Variants in SEMA3D observed in about 807,000 individuals in gnomAD.
SEMA3D encodes semaphorin-3D.
In SEMA3D, 84 loss-of-function variants were observed where a neutral mutation model predicts 100.1. The observed-to-expected ratio is 0.84, with a 90% CI of 0.70 to 1.01. The LOEUF (loss-of-function observed/expected upper bound fraction) is 1.01, where lower values mean the gene tolerates loss of function less well. Among genes scored for constraint, SEMA3D ranks in the 50% least tolerant of loss-of-function variants. The pLI is 0.00. For missense variants in SEMA3D, 875 were observed against 934.1 expected (o/e 0.94, Z 0.82); for synonymous variants, 312 against 320.7 (o/e 0.97, Z 0.29).
At chr7:85,119,812 G>A (rs1440680709) in intron 3 of SEMA3D, among the ~76,000 whole-genome samples, 1 of 152,078 alleles carries the variant, frequency 6.6e-6, no homozygotes, top group Non-Finnish European at 1.5e-5. Context: ...AGTGCCCCAG[G>A]TTTGGTAAAC....
intron 2 of SEMA3D, chr7:85,144,779 T>A (rs1304668935): frequency 1.8e-6 from 1 of 562,642 alleles, no homozygotes; most frequent in Non-Finnish European, 2.3e-6. Context: ...TCATAGAATT[T>A]GATTAGGATT....
At chr7:85,162,044 G>T (rs1318866998) in intron 1 of SEMA3D, among the ~76,000 whole-genome samples, 1 of 151,490 alleles carries the variant, frequency 6.6e-6, no homozygotes, top group East Asian at 1.9e-4. Flanking sequence ...ATAATAATCT[G>T]TACCTGTTTC....
chr7:85,144,701 C>T, intron 2 of SEMA3D: 3 of 984,588 alleles, frequency 3.0e-6, no homozygotes, highest in Non-Finnish European at 3.6e-6. Context: ...TGTGTTTGTT[C>T]TTATTTGTTC....
At chr7:85,068,408 G>A (rs1240333627) in intron 6 of SEMA3D, 124 bp from the exon 7 acceptor site, 1 of 617,026 alleles carries the variant, frequency 1.6e-6, no homozygotes, top group South Asian at 1.9e-5. Context: ...TATAGCATGT[G>A]CATAATGCTG....
chr7:85,180,324 C>T (rs1236041705), intron 1 of SEMA3D, among the ~76,000 whole-genome samples: 1 of 152,248 alleles, frequency 6.6e-6, no homozygotes, highest in East Asian at 1.9e-4. Flanking sequence ...GTTTGCTTCC[C>T]CTTCCACTAT....
At chr7:85,244,695 T>C in the SEMA3D span, among the ~76,000 whole-genome samples, 2 of 149,740 alleles carry the variant, frequency 1.3e-5, no homozygotes, top group African/African-American at 4.9e-5. Flanking sequence ...AAATCCCGGA[T>C]GTACTGCACA....
chr7:85,212,875 C>T, the SEMA3D span, among the ~76,000 whole-genome samples: 5 of 151,866 alleles, frequency 3.3e-5, no homozygotes, highest in African/African-American at 7.3e-5. Flanking sequence ...ATCTGCTAAA[C>T]GAAACTTCAT....
At chr7:85,125,698 T>C (rs1425418596) in intron 2 of SEMA3D, among the ~76,000 whole-genome samples, 2 of 152,092 alleles carry the variant, frequency 1.3e-5, no homozygotes, top group Non-Finnish European at 2.9e-5. Flanking sequence ...ATAAATTCAA[T>C]AGTTAATCCT....
At chr7:85,249,449 T>TAA in the SEMA3D span, among the ~76,000 whole-genome samples, 1 of 152,164 alleles carries the variant, frequency 6.6e-6, no homozygotes, top group African/African-American at 2.4e-5. Flanking sequence ...AGAATGGGCT[T>TAA]TAGTTAATAC....
At chr7:85,241,467 G>GTGTGTGTA in the SEMA3D span, among the ~76,000 whole-genome samples, 9 of 91,998 alleles carry the variant, frequency 9.8e-5, no homozygotes, top group South Asian at 3.9e-4. Flanking sequence ...CTGTGTGTGT[G>GTGTGTGTA]TATATATATA....
In SEMA3D at chr7:85,022,456, G is replaced by A; in HGVS notation, c.1349C>T (p.Thr450Ile). 1 of 1,612,462 alleles carries A rather than the reference G, an allele frequency of 6.2e-7. No homozygotes were observed. ...FKRINVDYRL[T>I]QIVVDHVIAE... is the part of the protein sequence containing the mutation. Reference sequence around the variant, plus strand: ...AATGACATGATCCACCACTATCTGTGTCAGTCTGTAATCCACATTGATTCT... The same window carrying A: ...AATGACATGATCCACCACTATCTGTATCAGTCTGTAATCCACATTGATTCT... The change falls in exon 13 of 19, where the codon ACA becomes ATA. Residue 450 changes from threonine to isoleucine, a missense_variant. Physicochemically the swap from Thr to Ile is moderately conservative, Grantham distance 89. Coordinates refer to ENST00000284136, the MANE Select transcript of SEMA3D (RefSeq NM_001384900.1).
At chr7:85,178,158 C>A (rs1791292394) in intron 1 of SEMA3D, among the ~76,000 whole-genome samples, 1 of 152,318 alleles carries the variant, frequency 6.6e-6, no homozygotes, top group South Asian at 2.1e-4. Context: ...ATCAATTAAA[C>A]CTCTTTCCTT....
intron 2 of SEMA3D, among the ~76,000 whole-genome samples, chr7:85,147,614 T>C (rs940170676): frequency 1.1e-4 from 17 of 152,206 alleles, no homozygotes; most frequent in African/African-American, 4.1e-4. Flanking sequence ...AATATATTTT[T>C]CTGATATTTA....
intron 1 of SEMA3D, among the ~76,000 whole-genome samples, chr7:85,170,905 A>G (rs890571343): frequency 6.6e-6 from 1 of 152,014 alleles, no homozygotes; most frequent in Non-Finnish European, 1.5e-5. Context: ...TGACTTTTAA[A>G]ATAACAATGG....
intron 8 of SEMA3D, among the ~76,000 whole-genome samples, chr7:85,061,140 T>TA (rs573389473): frequency 1.3e-3 from 194 of 151,832 alleles, no homozygotes; most frequent in African/African-American, 3.9e-3. Flanking sequence ...AAAAATACTG[T>TA]AAAAAAAACA....
intron 13 of SEMA3D, among the ~76,000 whole-genome samples, chr7:85,021,165 A>G (rs553244574): frequency 6.6e-6 from 1 of 151,914 alleles, no homozygotes; most frequent in South Asian, 2.1e-4. Context: ...TGAATTATTT[A>G]ATTGTTTTTA....
chr7:85,238,547 T>C, the SEMA3D span, among the ~76,000 whole-genome samples: 1 of 152,188 alleles, frequency 6.6e-6, no homozygotes, highest in Non-Finnish European at 1.5e-5. Context: ...TATTCTATTC[T>C]ACCAATCTGT....
intron 5 of SEMA3D, among the ~76,000 whole-genome samples, chr7:85,077,717 T>C (rs1330147881): frequency 6.6e-6 from 1 of 152,134 alleles, no homozygotes; most frequent in Non-Finnish European, 1.5e-5. Context: ...ATATTAACAA[T>C]GGTATAATAG....
At chr7:85,005,135 A>C (rs914178744) in intron 18 of SEMA3D, among the ~76,000 whole-genome samples, 4 of 151,984 alleles carry the variant, frequency 2.6e-5, no homozygotes, top group African/African-American at 9.7e-5. Context: ...AATTATATTT[A>C]ACTGAAAAGC....
Sources: gnomAD v4.1 joint callset for allele counts (sites outside exome capture counted in the v4.1 genomes callset) on GRCh38, gnomAD v4.1.1 for gene constraint, MANE v1.5 for transcripts, NCBI Gene and HGNC (gene_info 2026-07-23, HGNC 2026-07-21) for gene names.